Variants in CDH11 observed in about 807,000 individuals in gnomAD.
CDH11 encodes the protein cadherin 11.
A neutral mutation model predicts 67.8 loss-of-function variants in CDH11; 11 were observed. The observed-to-expected ratio is 0.16, with a 90% CI of 0.10 to 0.27. The LOEUF is 0.27. Among genes scored for constraint, CDH11 ranks in the 10% least tolerant of loss-of-function variants. The pLI, the probability that CDH11 is intolerant of heterozygous loss-of-function variation, is 1.00. For missense variants in CDH11, 847 were observed against 1,031.2 expected (o/e 0.82, Z 2.45); for synonymous variants, 419 against 400.0 (o/e 1.05, Z -0.57).
chr16:64,996,052 C>T (rs1201986224), intron 4 of CDH11, among the ~76,000 whole-genome samples: 1 of 152,154 alleles, frequency 6.6e-6, no homozygotes, highest in Admixed American at 6.5e-5. Flanking sequence ...CCATCTCCCA[C>T]TAGTTAGAAT....
intron 2 of CDH11, among the ~76,000 whole-genome samples, chr16:65,034,373 G>C (rs1567540089): frequency 6.6e-6 from 1 of 152,166 alleles, no homozygotes; most frequent in Non-Finnish European, 1.5e-5. Context: ...TGTTTCAATG[G>C]AAACCCCTGA....
At chr16:65,072,452 A>G (rs2074434509) in intron 1 of CDH11, among the ~76,000 whole-genome samples, 1 of 152,198 alleles carries the variant, frequency 6.6e-6, no homozygotes, top group African/African-American at 2.4e-5. Context: ...GTCCCAATCC[A>G]AAAGGGAGGA....
chr16:64,956,278 A>G (rs2071508808), intron 11 of CDH11, among the ~76,000 whole-genome samples: 2 of 152,240 alleles, frequency 1.3e-5, no homozygotes, highest in African/African-American at 4.8e-5. Flanking sequence ...TTCCATTCAT[A>G]AAGCTACTTA....
chr16:65,111,413 T>C (rs1403411583), intron 1 of CDH11, among the ~76,000 whole-genome samples: 1 of 152,152 alleles, frequency 6.6e-6, no homozygotes, highest in Non-Finnish European at 1.5e-5. Flanking sequence ...GAGCCTGTGC[T>C]AACACCACTG....
At chr16:65,025,639 C>A (rs2073518685) in intron 2 of CDH11, among the ~76,000 whole-genome samples, 1 of 152,152 alleles carries the variant, frequency 6.6e-6, no homozygotes, top group Non-Finnish European at 1.5e-5. Context: ...CCACACCTGG[C>A]TGGGTGATTT....
chr16:65,048,844 C>T (rs1040415483), intron 2 of CDH11, among the ~76,000 whole-genome samples: 3 of 151,804 alleles, frequency 2.0e-5, no homozygotes, highest in African/African-American at 7.3e-5. Context: ...CGAAATACTA[C>T]ACAGCCACAG....
At chr16:65,084,873 T>C (rs776150429) in intron 1 of CDH11, among the ~76,000 whole-genome samples, 31 of 152,346 alleles carry the variant, frequency 2.0e-4, no homozygotes, top group Non-Finnish European at 3.8e-4. Flanking sequence ...ATGCATAATT[T>C]CTTTTACTGT....
At chr16:65,114,997 CA>C in intron 1 of CDH11, among the ~76,000 whole-genome samples, 1 of 152,296 alleles carries the variant, frequency 6.6e-6, no homozygotes, top group Middle Eastern at 3.4e-3. Flanking sequence ...CAAACAGGAA[CA>C]GTCTTGAAAT....
At chr16:64,997,460 C>T (rs949055941) in intron 4 of CDH11, among the ~76,000 whole-genome samples, 6 of 150,788 alleles carry the variant, frequency 4.0e-5, no homozygotes, top group Non-Finnish European at 8.8e-5. Flanking sequence ...TGAAAATTTT[C>T]CTGGATTATA....
At chr16:65,107,476 A>T (rs942375952) in intron 1 of CDH11, among the ~76,000 whole-genome samples, 1 of 152,148 alleles carries the variant, frequency 6.6e-6, no homozygotes, top group Non-Finnish European at 1.5e-5. Flanking sequence ...TACTCACAGG[A>T]GTACTCTCCC....
intron 8 of CDH11, among the ~76,000 whole-genome samples, chr16:64,976,745 G>C (rs1261763231): frequency 1.3e-5 from 2 of 152,110 alleles, no homozygotes; most frequent in African/African-American, 2.4e-5. Context: ...TATAATCCCA[G>C]CTACTTGGGA....
chr16:65,082,406 T>C (rs2074625981), intron 1 of CDH11, among the ~76,000 whole-genome samples: 1 of 152,166 alleles, frequency 6.6e-6, no homozygotes, highest in African/African-American at 2.4e-5. Context: ...TGTCTGAGCA[T>C]ATGTGAGGCT....
chr16:65,056,613 A>G (rs1192534474), intron 1 of CDH11, among the ~76,000 whole-genome samples: 1 of 152,222 alleles, frequency 6.6e-6, no homozygotes, highest in African/African-American at 2.4e-5. Flanking sequence ...CCTGGGTATT[A>G]TGAACGCCAT....
chr16:65,109,151 A>T (rs2075116499), intron 1 of CDH11, among the ~76,000 whole-genome samples: 1 of 152,086 alleles, frequency 6.6e-6, no homozygotes, highest in Non-Finnish European at 1.5e-5. Flanking sequence ...TGTTTCGAAA[A>T]AAAAAGAAAT....
intron 8 of CDH11, among the ~76,000 whole-genome samples, chr16:64,974,348 T>G (rs954946295): frequency 6.6e-6 from 1 of 152,100 alleles, no homozygotes; most frequent in African/African-American, 2.4e-5. Flanking sequence ...ACAAAATGAG[T>G]ATGTCAGAAG....
At chr16:65,020,704 C>A (rs993078709) in intron 2 of CDH11, among the ~76,000 whole-genome samples, 1 of 152,064 alleles carries the variant, frequency 6.6e-6, no homozygotes, top group Admixed American at 6.6e-5. Flanking sequence ...TTATAATTTC[C>A]ATTTTTTCCA....
chr16:65,066,812 G>T (rs923807257), intron 1 of CDH11, among the ~76,000 whole-genome samples: 1 of 152,232 alleles, frequency 6.6e-6, no homozygotes, highest in Non-Finnish European at 1.5e-5. Flanking sequence ...TCTGCATCGT[G>T]TTTATAGCTC....
At chr16:65,089,411 A>T (rs1317614675) in intron 1 of CDH11, among the ~76,000 whole-genome samples, 2 of 152,238 alleles carry the variant, frequency 1.3e-5, no homozygotes, top group African/African-American at 4.8e-5. Flanking sequence ...AACGATTTTT[A>T]AAATATTATT....
chr16:64,950,228 C>A (rs2142369811), intron 12 of CDH11, among the ~76,000 whole-genome samples: 1 of 152,150 alleles, frequency 6.6e-6, no homozygotes, highest in South Asian at 2.1e-4. Flanking sequence ...CAAGGGGTAC[C>A]CATGAGCTGA....
Sources: allele counts gnomAD v4.1 joint callset (sites outside exome capture counted in the v4.1 genomes callset), GRCh38; gene constraint gnomAD v4.1.1; transcripts MANE v1.5; gene names NCBI Gene and HGNC (gene_info 2026-07-23, HGNC 2026-07-21).